Variants in CFAP299 observed in about 807,000 individuals in gnomAD.
CFAP299 encodes the protein cilia- and flagella-associated protein 299.
Under a neutral mutation model 27.0 loss-of-function variants are expected in CFAP299, and 21 were observed. The observed-to-expected ratio is 0.78, with a 90% CI of 0.55 to 1.12. CFAP299 has a LOEUF of 1.12. Among genes scored for constraint, CFAP299 ranks in the 50% most tolerant of loss-of-function variants. CFAP299 has a pLI of 0.00. For synonymous variants in CFAP299, 104 were observed against 98.1 expected (o/e 1.06, Z -0.36); for missense variants, 310 against 276.6 (o/e 1.12, Z -0.86).
rs866788026 is a variant in CFAP299 at position 80,799,587 on chromosome 4, T to A, written c.334-70406T>A. On this transcript the variant is annotated intron_variant, in intron 3 of 5. Transcript: ENST00000358105. ...TAAATATATATATTTATAAAATATA[T>A]TATATAAAATATATATTTTATATAT... is the stretch of plus-strand genomic sequence containing the variant. Among the ~76,000 whole-genome samples the A allele has an allele frequency of 8.5e-3, 317 of 37,264 alleles. 5 individuals carry two copies. The highest frequency in any genetic ancestry group is 0.06 in the East Asian group (58 of 972). The allele number at this position is 37,264 out of a possible 152,430, so 24.4% of individuals were successfully genotyped here. A position where few individuals can be genotyped will look rare whatever the true frequency, so the allele number is the denominator to read the frequency against.
At chr4:80,566,680 G>T (rs2110228579) in intron 2 of CFAP299, among the ~76,000 whole-genome samples, 1 of 152,102 alleles carries the variant, frequency 6.6e-6, no homozygotes, top group South Asian at 2.1e-4. Context: ...CCAAACAAGA[G>T]GTTTCTTTCT....
intron 4 of CFAP299, among the ~76,000 whole-genome samples, chr4:80,920,784 G>A (rs1175011735): frequency 6.6e-6 from 1 of 152,020 alleles, no homozygotes; most frequent in East Asian, 1.9e-4. Context: ...ATTTAGAAAG[G>A]GAGAGTTCAG....
intron 2 of CFAP299, among the ~76,000 whole-genome samples, chr4:80,424,662 C>A (rs575064362): frequency 6.6e-6 from 1 of 152,142 alleles, no homozygotes; most frequent in South Asian, 2.1e-4. Flanking sequence ...GGAAATTAAC[C>A]AAGAACAGCA....
intron 3 of CFAP299, among the ~76,000 whole-genome samples, chr4:80,608,855 C>T (rs549362764): frequency 1.1e-3 from 77 of 67,676 alleles, no homozygotes; most frequent in African/African-American, 3.1e-3. Context: ...AAAGCTTACA[C>T]GATGCATGTG....
intron 2 of CFAP299, among the ~76,000 whole-genome samples, chr4:80,391,538 A>T (rs554497898): frequency 6.6e-6 from 1 of 152,324 alleles, no homozygotes; most frequent in South Asian, 2.1e-4. Flanking sequence ...CAGACTGCGT[A>T]TGCAAGGTGG....
intron 1 of CFAP299, among the ~76,000 whole-genome samples, chr4:80,349,281 G>C (rs1453284005): frequency 8.5e-5 from 13 of 152,158 alleles, no homozygotes; most frequent in Admixed American, 7.9e-4. Context: ...GTCTCTTGTG[G>C]TTCACCCTGA....
chr4:80,463,283 A>G (rs772767808), intron 2 of CFAP299, among the ~76,000 whole-genome samples: 96 of 152,330 alleles, frequency 6.3e-4, no homozygotes, highest in Non-Finnish European at 1.1e-3. Flanking sequence ...TGGCTATTTT[A>G]AAAAACACTA....
intron 2 of CFAP299, among the ~76,000 whole-genome samples, chr4:80,520,360 G>C (rs566472590): frequency 2.0e-5 from 3 of 152,274 alleles, no homozygotes; most frequent in African/African-American, 7.2e-5. Context: ...ACTGGGTCTT[G>C]TTCTCTATCA....
intron 3 of CFAP299, among the ~76,000 whole-genome samples, chr4:80,806,349 G>C (rs1363970021): frequency 6.6e-6 from 1 of 152,178 alleles, no homozygotes; most frequent in African/African-American, 2.4e-5. Flanking sequence ...AAAACCTGCT[G>C]TCTGACAGGC....
chr4:80,608,308 G>A, intron 3 of CFAP299: 1 of 1,496,672 alleles, frequency 6.7e-7, no homozygotes, highest in South Asian at 1.2e-5. Context: ...ACCTCAGTTG[G>A]ATTTCCCCTT....
chr4:80,669,261 A>G (rs918290411), intron 3 of CFAP299, among the ~76,000 whole-genome samples: 2 of 143,694 alleles, frequency 1.4e-5, no homozygotes, highest in Non-Finnish European at 3.0e-5. Flanking sequence ...CCCAGGTTCA[A>G]GTGATTGTCG....
chr4:80,682,614 A>G (rs945005267), intron 3 of CFAP299, among the ~76,000 whole-genome samples: 4 of 151,818 alleles, frequency 2.6e-5, no homozygotes, highest in African/African-American at 9.7e-5. Flanking sequence ...TACTTCCATC[A>G]CATAGATAAG....
At chr4:80,381,385 T>TAAAATTCTTGTAAA (rs1167375951) in intron 2 of CFAP299, among the ~76,000 whole-genome samples, 3 of 962 alleles carry the variant, frequency 3.1e-3, no homozygotes, top group African/African-American at 3.8e-3. Context: ...TATACATTTT[T>TAAAATTCTTGTAAA]TTTTTTTTTT....
At chr4:80,446,666 A>G (rs540775237) in intron 2 of CFAP299, among the ~76,000 whole-genome samples, 2 of 152,318 alleles carry the variant, frequency 1.3e-5, no homozygotes, top group African/African-American at 4.8e-5. Flanking sequence ...AGGGACCTCA[A>G]ACATCACATT....
At chr4:80,449,201 C>A (rs997983701) in intron 2 of CFAP299, among the ~76,000 whole-genome samples, 1 of 152,046 alleles carries the variant, frequency 6.6e-6, no homozygotes, top group Non-Finnish European at 1.5e-5. Context: ...TTTTCTGCTT[C>A]AGTGTGACTA....
intron 2 of CFAP299, among the ~76,000 whole-genome samples, chr4:80,541,403 A>T (rs1300995126): frequency 6.6e-6 from 1 of 152,190 alleles, no homozygotes; most frequent in East Asian, 1.9e-4. Flanking sequence ...TGTGTTAAAG[A>T]CCTATATATG....
chr4:80,932,982 ATCT>A (rs1736697495), intron 4 of CFAP299, among the ~76,000 whole-genome samples: 1 of 152,212 alleles, frequency 6.6e-6, no homozygotes, highest in Non-Finnish European at 1.5e-5. Flanking sequence ...TTAATATAAC[ATCT>A]TCTATATTCC....
At chr4:80,699,108 A>C (rs1721301229) in intron 3 of CFAP299, among the ~76,000 whole-genome samples, 1 of 152,220 alleles carries the variant, frequency 6.6e-6, no homozygotes, top group Non-Finnish European at 1.5e-5. Context: ...CTTAAAATTA[A>C]TATTCTAATT....
intron 2 of CFAP299, among the ~76,000 whole-genome samples, chr4:80,468,126 G>C (rs771985621): frequency 6.6e-6 from 1 of 152,030 alleles, no homozygotes; most frequent in East Asian, 1.9e-4. Context: ...GTATAATCTT[G>C]CTTGTTTTGT....
Sources: gnomAD v4.1 joint callset for allele counts (sites outside exome capture counted in the v4.1 genomes callset) on GRCh38, gnomAD v4.1.1 for gene constraint, MANE v1.5 for transcripts, NCBI Gene and HGNC (gene_info 2026-07-23, HGNC 2026-07-21) for gene names.